Variants in DUSP19 observed in about 807,000 individuals in gnomAD.
DUSP19 encodes dual specificity protein phosphatase 19.
A neutral mutation model predicts 16.6 loss-of-function variants in DUSP19; 14 were observed. The ratio of observed to expected loss-of-function variants is 0.84; its 90% CI spans 0.56 to 1.32. The LOEUF (loss-of-function observed/expected upper bound fraction) is 1.32. Among genes scored for constraint, DUSP19 ranks in the 40% most tolerant of loss-of-function variants. The pLI is 0.00. For synonymous variants in DUSP19, 81 were observed against 90.5 expected (o/e 0.90, Z 0.59); for missense variants, 258 against 255.9 (o/e 1.01, Z -0.06).
Position 183,079,134 on chromosome 2 carries a change from C to T in DUSP19, c.201C>T (p.Gly67=). ...ACCTTAGCTCGGACCTGCAAGTTGG[C>T]GTTATTAAGCCATGGTTGCTCCTAG... ...VQDLSSDLQV[G]VIKPWLLLGS... is the part of the protein sequence containing the mutation. The change falls in exon 1 of 4, where the codon GGC becomes GGT. Residue 67 remains glycine, a synonymous_variant. Transcript: ENST00000354221. The T allele has an allele frequency of 1.9e-6, 3 of 1,613,770 alleles. No individual in the cohort carries two copies. Among genetic ancestry groups the T allele is most frequent in the Non-Finnish European group, 2.5e-6 (3 of 1,179,850 alleles).
At chr2:183,092,198 T>A (rs16823721) in intron 3 of DUSP19, among the ~76,000 whole-genome samples, 7,158 of 152,224 alleles carry the variant, frequency 0.047, 220 homozygotes, top group South Asian at 0.13. Context: ...TCATCATAGG[T>A]GGCTGTCAAG....
chr2:183,083,582 A>T, intron 2 of DUSP19, 28 bp downstream of exon 2: 4 of 1,573,364 alleles, frequency 2.5e-6, no homozygotes, highest in Non-Finnish European at 3.5e-6. Flanking sequence ...GTCTGGCACC[A>T]TATACACAGA....
At chr2:183,086,912 A>G (rs1178792442) in intron 2 of DUSP19, 128 bp from the exon 3 acceptor site, 4 of 782,828 alleles carry the variant, frequency 5.1e-6, no homozygotes, top group African/African-American at 1.8e-5. Flanking sequence ...TTGAAGCAGT[A>G]TTATCATTCA....
rs1447008484 is a variant in DUSP19 at position 183,098,653 on chromosome 2, GTCTTTTTAAACAT to G, written c.*2997_*3009del. 1 of 152,160 alleles carries G rather than the reference GTCTTTTTAAACAT, an allele frequency of 6.6e-6. No individual in the cohort carries two copies. The highest frequency in any genetic ancestry group is 1.5e-5 in the Non-Finnish European group (1 of 68,010). 9.4% of individuals were successfully genotyped at this position (152,160 alleles called of 1,614,324 possible). A position where few individuals can be genotyped will look rare whatever the true frequency, so the allele number is the denominator to read the frequency against. On this transcript the variant is annotated 3_prime_UTR_variant, in exon 4 of 4. Coordinates refer to ENST00000354221, the MANE Select transcript of DUSP19 (RefSeq NM_080876.4). ...AGGAAAGGGAAAATGAAAACAGCAT[GTCTTTTTAAACAT>G]TGAAAAGAAATATGGAGGCTTTAAA...
chr2:183,082,908 C>G (rs1559127247), intron 1 of DUSP19, among the ~76,000 whole-genome samples: 1 of 89,434 alleles, frequency 1.1e-5, no homozygotes, highest in Non-Finnish European at 2.1e-5. Context: ...CTTATCTTTT[C>G]TTTTCTTTTG....
intron 2 of DUSP19, among the ~76,000 whole-genome samples, chr2:183,084,250 G>A (rs918803798): frequency 6.6e-6 from 1 of 151,988 alleles, no homozygotes; most frequent in Non-Finnish European, 1.5e-5. Context: ...ACTTCCTGGA[G>A]GAAGTGATAT....
chr2:183,080,580 A>G (rs980506300), intron 1 of DUSP19, among the ~76,000 whole-genome samples: 1 of 152,226 alleles, frequency 6.6e-6, no homozygotes, highest in East Asian at 1.9e-4. Flanking sequence ...CTTCCACTGT[A>G]GTAATCATGG....
intron 2 of DUSP19, among the ~76,000 whole-genome samples, chr2:183,085,587 GA>G (rs1043736619): frequency 3.6e-4 from 52 of 143,666 alleles, no homozygotes; most frequent in East Asian, 8.0e-4. Context: ...ATGGCAAAGG[GA>G]AAAAAAAAAA....
chr2:183,083,410 G>T lies in DUSP19; in HGVS notation c.227-98G>T, dbSNP rs575622669. 5.1e-5 allele frequency: 61 copies of T among 1,193,352 alleles called. 2 individuals carry two copies. The South Asian group carries it at 9.9e-4, about 19-fold the overall frequency. 73.9% of individuals were successfully genotyped at this position (1,193,352 alleles called of 1,614,324 possible). A position where few individuals can be genotyped will look rare whatever the true frequency, so the allele number is the denominator to read the frequency against. On this transcript the variant is annotated intron_variant, in intron 1 of 3. Coordinates refer to ENST00000354221, the MANE Select transcript of DUSP19 (RefSeq NM_080876.4). Reference sequence around the variant, plus strand: ...TGGACTAAGGTCCTTCCAAGTTGTTGGTCTTTTTTTTTTAATAACAGAATT... The same window carrying T: ...TGGACTAAGGTCCTTCCAAGTTGTTTGTCTTTTTTTTTTAATAACAGAATT...
At chr2:183,085,847 G>GGTTT (rs1699652518) in intron 2 of DUSP19, among the ~76,000 whole-genome samples, 1 of 50,876 alleles carries the variant, frequency 2.0e-5, no homozygotes, top group Non-Finnish European at 3.7e-5. Flanking sequence ...AGGTTGTTAG[G>GGTTT]TTTTTTTTTT....
Position 183,083,538 on chromosome 2 carries a change from C to T in DUSP19, c.257C>T (p.Thr86Ile). 6.2e-7 allele frequency: 1 copy of T among 1,611,048 alleles called. No homozygotes were observed. Among genetic ancestry groups the T allele is most frequent in the Non-Finnish European group, 8.5e-7 (1 of 1,178,544 alleles). Residue 86 changes from threonine (T) to isoleucine (I), a missense_variant, in exon 2 of 4, where the codon ACA becomes ATA. Coordinates refer to ENST00000354221, the MANE Select transcript of DUSP19 (RefSeq NM_080876.4). ...GSQDAAHDLD[T>I]LKKNKVTHIL... is the part of the protein sequence containing the mutation. ...CAAGATGCTGCTCATGATTTGGATACACTGAAAAAGAATAAGGTAAAAAAA... is the reference window on the plus strand; with the variant it reads ...CAAGATGCTGCTCATGATTTGGATATACTGAAAAAGAATAAGGTAAAAAAA...
At chr2:183,087,291 AC>A (rs1699675124) in intron 3 of DUSP19, 99 bp downstream of exon 3, 24 of 1,204,600 alleles carry the variant, frequency 2.0e-5, no homozygotes, top group African/African-American at 3.1e-5. Flanking sequence ...TCTCTAAAAA[AC>A]AATTATGAAA....
chr2:183,087,285 T>TA, intron 3 of DUSP19, 93 bp downstream of exon 3: 1 of 1,219,178 alleles, frequency 8.2e-7, no homozygotes, highest in South Asian at 1.6e-5. Flanking sequence ...AATGAATCTC[T>TA]AAAAAACAAT....
chr2:183,089,478 C>T (rs762315054), intron 3 of DUSP19, among the ~76,000 whole-genome samples: 1 of 152,168 alleles, frequency 6.6e-6, no homozygotes, highest in East Asian at 1.9e-4. Flanking sequence ...GCAGCCACCT[C>T]GAAGCCAAAT....
Position 183,097,010 on chromosome 2 carries a change from C to G in DUSP19, c.*1352C>G, listed in dbSNP as rs1390888912. 1 of 150,316 alleles carries G rather than the reference C, an allele frequency of 6.7e-6. No homozygotes were observed. Among genetic ancestry groups the G allele is most frequent in the East Asian group, 1.9e-4 (1 of 5,148 alleles). The allele number at this position is 150,316 out of a possible 1,614,324, so 9.3% of individuals were successfully genotyped here. A position where few individuals can be genotyped will look rare whatever the true frequency, so the allele number is the denominator to read the frequency against. On this transcript the variant is annotated 3_prime_UTR_variant, in exon 4 of 4. Coordinates refer to ENST00000354221, the MANE Select transcript of DUSP19 (RefSeq NM_080876.4). ...TATACTTAAAATTAATTAATTAAGA[C>G]AGTTTCTTTTTTCTTTTCTTTTTTT...
intron 3 of DUSP19, among the ~76,000 whole-genome samples, chr2:183,093,671 A>G (rs1376920124): frequency 7.9e-5 from 12 of 152,234 alleles, no homozygotes; most frequent in Non-Finnish European, 1.8e-4. Flanking sequence ...ATAAAGTAGA[A>G]AGAAGAAAAT....
intron 3 of DUSP19, among the ~76,000 whole-genome samples, chr2:183,094,895 A>G (rs1256373330): frequency 1.3e-5 from 2 of 152,188 alleles, no homozygotes; most frequent in Non-Finnish European, 2.9e-5. Flanking sequence ...CTTTCTGTTT[A>G]GCTTATAGTT....
intron 1 of DUSP19, among the ~76,000 whole-genome samples, chr2:183,081,446 C>T (rs1699591248): frequency 1.3e-5 from 2 of 152,134 alleles, no homozygotes; most frequent in East Asian, 1.9e-4. Context: ...GCGGTTTTAC[C>T]ATGTTGCCCA....
chr2:183,084,958 G>A (rs1018410796), intron 2 of DUSP19, among the ~76,000 whole-genome samples: 1 of 152,146 alleles, frequency 6.6e-6, no homozygotes, highest in African/African-American at 2.4e-5. Flanking sequence ...GAGGAGTCAA[G>A]GCTGATGTCT....
Sources: allele counts gnomAD v4.1 joint callset (sites outside exome capture counted in the v4.1 genomes callset), GRCh38; gene constraint gnomAD v4.1.1; transcripts MANE v1.5; gene names NCBI Gene and HGNC (gene_info 2026-07-23, HGNC 2026-07-21).